TMEM201: variants seen among roughly 807,000 people sequenced by gnomAD.
TMEM201 encodes RP13-15M17.2.
TMEM201 carries 26 observed loss-of-function variants against 63.4 expected under a neutral mutation model. The observed-to-expected ratio is 0.41, with a 90% CI of 0.30 to 0.57. The LOEUF is 0.57. Ranked by LOEUF, TMEM201 falls within the 20% of genes least tolerant of loss-of-function variation. The probability of loss-of-function intolerance (pLI) is 0.29; values close to 1 mark genes in which losing one functional copy is unlikely to be tolerated. For synonymous variants in TMEM201, 417 were observed against 421.6 expected (o/e 0.99, Z 0.14); for missense variants, 794 against 917.7 (o/e 0.87, Z 1.74).
intron 1 of TMEM201, among the ~76,000 whole-genome samples, chr1:9,590,911 G>A (rs950942390): frequency 2.0e-5 from 3 of 152,218 alleles, no homozygotes; most frequent in Admixed American, 1.3e-4. Flanking sequence ...TGCAGTGTAG[G>A]TTTTGAATGA....
Position 9,596,851 on chromosome 1 carries a change from T to A in TMEM201, c.235-8T>A. 1 of 1,577,360 alleles carries A rather than the reference T, an allele frequency of 6.3e-7. No individual in the cohort carries two copies. Among genetic ancestry groups the A allele is most frequent in the South Asian group, 1.1e-5 (1 of 87,808 alleles). On this transcript the variant is annotated splice_region_variant and splice_polypyrimidine_tract_variant and intron_variant, in intron 2 of 10. Transcript: ENST00000340381. The stretch of plus-strand genomic sequence containing the variant: ...CTGCCTGCCTCGAGTCCCACCTCTC[T>A]CCCGCAGAACGGCGACTACAACAAG...
At chr1:9,595,821 G>A in intron 1 of TMEM201, 69 bp from the exon 2 acceptor site, 8 of 1,602,160 alleles carry the variant, frequency 5.0e-6, no homozygotes, top group Non-Finnish European at 6.8e-6. Context: ...CCTGGGGCAG[G>A]GCATGGAGGT....
At position 9,613,504 on chromosome 1, in the gene TMEM201, CT is replaced by C. The variant is rs1644352878; in HGVS notation, c.*422del. On this transcript the variant is annotated 3_prime_UTR_variant, in exon 11 of 11. Coordinates refer to ENST00000340381, the MANE Select transcript of TMEM201 (RefSeq NM_001130924.3). ...GGCGTAGTCACATCTTTGTACTGTA[CT>C]CCCCTGTCTCACCTGGGGCAACCTC... 1 of 188,312 alleles carries C rather than the reference CT, an allele frequency of 5.3e-6. No individual in the cohort carries two copies. Among genetic ancestry groups the C allele is most frequent in the South Asian group, 1.3e-4 (1 of 7,610 alleles). 11.7% of individuals were successfully genotyped at this position (188,312 alleles called of 1,614,324 possible).
chr1:9,590,204 G>A (rs887824852), intron 1 of TMEM201, among the ~76,000 whole-genome samples: 2 of 152,102 alleles, frequency 1.3e-5, no homozygotes, highest in African/African-American at 4.8e-5. Flanking sequence ...TCTCCATGTC[G>A]GTTTCTGCTG....
At chr1:9,591,574 T>C (rs1643919978) in intron 1 of TMEM201, among the ~76,000 whole-genome samples, 1 of 152,244 alleles carries the variant, frequency 6.6e-6, no homozygotes, top group African/African-American at 2.4e-5. Flanking sequence ...CTTCAAACGA[T>C]GCCCAGGATC....
chr1:9,604,262 A>G lies in TMEM201; in HGVS notation c.1160+1990A>G. 1 of 985,474 alleles carries G rather than the reference A, an allele frequency of 1.0e-6. No individual in the cohort carries two copies. Among genetic ancestry groups the G allele is most frequent in the Non-Finnish European group, 1.2e-6 (1 of 829,942 alleles). 61.0% of individuals were successfully genotyped at this position (985,474 alleles called of 1,614,324 possible). A position where few individuals can be genotyped will look rare whatever the true frequency, so the allele number is the denominator to read the frequency against. On this transcript the variant is annotated intron_variant, in intron 6 of 10. Transcript: ENST00000340381. This position sits in a 1 kb window ranked among gnomAD's most constrained non-coding sequence, Gnocchi z 4.1. Reference sequence around the variant, plus strand: ...TTAAATTAGATTATTTATAATAACCAGAGCCAGCCCTCGCGCTGGCCAGGA... The same window carrying G: ...TTAAATTAGATTATTTATAATAACCGGAGCCAGCCCTCGCGCTGGCCAGGA...
Position 9,613,028 on chromosome 1 carries a change from G to A in TMEM201, c.1946G>A (p.Ser649Asn). The A allele has an allele frequency of 6.4e-7, 1 of 1,551,508 alleles. No individual in the cohort carries two copies. The highest frequency in any genetic ancestry group is 8.7e-7 in the Non-Finnish European group (1 of 1,146,998). ...PSLVRGLLAV[S>N]LAANALFTSV... ...CTGGTCCGGGGCCTCCTGGCCGTGA[G>A]CTTGGCCGCCAACGCCCTGTTCACC... The change falls in exon 11 of 11, where the codon AGC (serine) becomes AAC (asparagine). Residue 649 changes from serine to asparagine, a missense_variant. Ser to Asn is a conservative substitution (Grantham distance 46). Coordinates refer to ENST00000340381, the MANE Select transcript of TMEM201 (RefSeq NM_001130924.3).
chr1:9,613,905 C>G lies in TMEM201; in HGVS notation c.*822C>G, dbSNP rs1289935149. ...TTCAGATCTCAGATGAGACTGCACC[C>G]CTTCGACCACCCTACTGGGCACCTG... On this transcript the variant is annotated 3_prime_UTR_variant, in exon 11 of 11. Coordinates refer to ENST00000340381, the MANE Select transcript of TMEM201 (RefSeq NM_001130924.3). The G allele has an allele frequency of 3.3e-5, 5 of 152,300 alleles. No homozygotes were observed. The highest frequency in any genetic ancestry group is 1.2e-4 in the African/African-American group (5 of 41,438). 9.4% of individuals were successfully genotyped at this position (152,300 alleles called of 1,614,324 possible).
chr1:9,604,923 A>G lies in TMEM201; in HGVS notation c.1161-2634A>G, dbSNP rs1644215376. On this transcript the variant is annotated intron_variant, in intron 6 of 10. Transcript: ENST00000340381. This position sits in a 1 kb window ranked among gnomAD's most constrained non-coding sequence, Gnocchi z 4.1. ...TCGTGTTTTGGATGCTGTGTTTTCAATAAATGCCTCTGGGGCCCTGCTTTT... is the reference window on the plus strand; with the variant it reads ...TCGTGTTTTGGATGCTGTGTTTTCAGTAAATGCCTCTGGGGCCCTGCTTTT... 8.1e-6 allele frequency: 8 copies of G among 985,932 alleles called. No homozygotes were observed. Among genetic ancestry groups the G allele is most frequent in the Non-Finnish European group, 9.6e-6 (8 of 829,974 alleles). The allele number at this position is 985,932 out of a possible 1,614,324, so 61.1% of individuals were successfully genotyped here. A position where few individuals can be genotyped will look rare whatever the true frequency, so the allele number is the denominator to read the frequency against.
chr1:9,611,707 G>A, intron 9 of TMEM201, 46 bp from the exon 10 acceptor site: 1 of 1,550,634 alleles, frequency 6.4e-7, no homozygotes, highest in Non-Finnish European at 8.7e-7. Context: ...TCTGTCCCTG[G>A]AGGGAGCCAT....
rs202061787 is a variant in TMEM201, at chr1:9,613,235, C to T, written c.*152C>T. On this transcript the variant is annotated 3_prime_UTR_variant, in exon 11 of 11. Transcript: ENST00000340381. ...CTGTGACTGTCCTCAGGACACCTGCCCCTCCTCACCTAACGGACTGCAGGG... is the reference window on the plus strand; with the variant it reads ...CTGTGACTGTCCTCAGGACACCTGCTCCTCCTCACCTAACGGACTGCAGGG... 18 of 671,432 alleles carry T rather than the reference C, an allele frequency of 2.7e-5. No individual in the cohort carries two copies. In the East Asian group the frequency reaches 4.4e-4, roughly 16 times the overall value. The allele number at this position is 671,432 out of a possible 1,614,324, so 41.6% of individuals were successfully genotyped here.
In TMEM201 at chr1:9,610,946, C is replaced by CCACCCT. The variant is rs1275681996; in HGVS notation, c.1765+141_1765+142insCACCCT. The CCACCCT allele has an allele frequency of 2.3e-3, 3,489 of 1,507,142 alleles. 76 individuals are homozygous for CCACCCT. In the African/African-American group the frequency reaches 0.042, roughly 18 times the overall value. 93.4% of individuals were successfully genotyped at this position (1,507,142 alleles called of 1,614,324 possible). ...CCCTGGAGCTCTAGGCACCCCATTC[C>CCACCCT]GGCTCTGGTGACTTGAACCCTCTGG... is the stretch of plus-strand genomic sequence containing the variant. On this transcript the variant is annotated intron_variant, in intron 9 of 10. Coordinates refer to ENST00000340381, the MANE Select transcript of TMEM201 (RefSeq NM_001130924.3). This position sits in a 1 kb window ranked among gnomAD's most constrained non-coding sequence, Gnocchi z 4.9.
chr1:9,609,334 C>T (rs183402072), intron 7 of TMEM201, among the ~76,000 whole-genome samples: 1 of 152,322 alleles, frequency 6.6e-6, no homozygotes, highest in Admixed American at 6.5e-5. Context: ...GAATTGGGGC[C>T]CCTGCCCTTG....
rs200494396 is a variant in TMEM201, at chr1:9,602,141, C to T, written c.1029C>T (p.His343=). 1.2e-5 allele frequency: 20 copies of T among 1,613,008 alleles called. No homozygotes were observed. The highest frequency in any genetic ancestry group is 1.0e-4 in the Admixed American group (6 of 60,012). Residue 343 remains histidine, a synonymous_variant, in exon 6 of 11, where the codon CAC becomes CAT. Coordinates refer to ENST00000340381, the MANE Select transcript of TMEM201 (RefSeq NM_001130924.3). ...LLLGLHLAEQ[H]LQAASPSWLD... is the part of the protein sequence containing the mutation. ...TGGGGCTGCACCTGGCTGAGCAGCA[C>T]CTGCAGGCCGCCTCGCCTAGCTGGC...
intron 7 of TMEM201, 89 bp from the exon 8 acceptor site, chr1:9,609,751 G>C (rs1172106267): frequency 2.3e-6 from 3 of 1,289,996 alleles, no homozygotes; most frequent in Non-Finnish European, 2.2e-6. Context: ...AAGAGCAAAG[G>C]CTGGATTGGG....
rs765277900 is a variant in TMEM201 at position 9,604,039 on chromosome 1, C to T, written c.1160+1767C>T. On this transcript the variant is annotated intron_variant, in intron 6 of 10. Coordinates refer to ENST00000340381, the MANE Select transcript of TMEM201 (RefSeq NM_001130924.3). This position sits in a 1 kb window ranked among gnomAD's most constrained non-coding sequence, Gnocchi z 4.1. ...AGGGAACCGCCTGCCTGTGCACTCA[C>T]GCCACCCCCCAGCCCACAAAGAGCC... 1.8e-4 allele frequency: 179 copies of T among 985,330 alleles called. No individual in the cohort carries two copies. The highest frequency in any genetic ancestry group is 8.0e-4 in the South Asian group (17 of 21,296). The allele number at this position is 985,330 out of a possible 1,614,324, so 61.0% of individuals were successfully genotyped here.
rs563668220 is a variant in TMEM201, at chr1:9,609,876, C to T, written c.1430C>T (p.Ser477Phe). ...GYLFSGSRPP[S>F]QVSRSGEFPV... Reference sequence around the variant, plus strand: ...CTGTTCAGCGGTAGCCGCCCACCATCTCAGGTGTCTCGATCTGGGGAGTTT... The same window carrying T: ...CTGTTCAGCGGTAGCCGCCCACCATTTCAGGTGTCTCGATCTGGGGAGTTT... Residue 477 changes from serine to phenylalanine, a missense_variant, in exon 8 of 11, where the codon TCT becomes TTT. Coordinates refer to ENST00000340381, the MANE Select transcript of TMEM201 (RefSeq NM_001130924.3). 6.4e-7 allele frequency: 1 copy of T among 1,551,400 alleles called. No individual in the cohort carries two copies. The highest frequency in any genetic ancestry group is 1.4e-5 in the African/African-American group (1 of 73,054).
rs2100529364 is a variant in TMEM201, at chr1:9,611,733, A to G, written c.1766-20A>G. On this transcript the variant is annotated intron_variant, in intron 9 of 10. Transcript: ENST00000340381. ...AGGGAGCCATGAGCGCCACTGAGAA[A>G]CACACCCTTCTCTCTGCAGACCTGA... 1.3e-6 allele frequency: 2 copies of G among 1,534,496 alleles called. No homozygotes were observed. Among genetic ancestry groups the G allele is most frequent in the Non-Finnish European group, 1.8e-6 (2 of 1,131,828 alleles).
chr1:9,593,320 C>T (rs569537815), intron 1 of TMEM201, among the ~76,000 whole-genome samples: 5 of 152,346 alleles, frequency 3.3e-5, no homozygotes, highest in African/African-American at 1.2e-4. Flanking sequence ...TCATGCCCAG[C>T]TCCCCATCGA....
Sources: allele counts gnomAD v4.1 joint callset (sites outside exome capture counted in the v4.1 genomes callset), GRCh38; gene constraint gnomAD v4.1.1; non-coding constraint Gnocchi (gnomAD v3.1); transcripts MANE v1.5; gene names NCBI Gene and HGNC (gene_info 2026-07-23, HGNC 2026-07-21).